Variants in WDPCP observed in about 807,000 individuals in gnomAD.
WDPCP encodes WD repeat-containing and planar cell polarity effector protein fritz homolog.
Under a neutral mutation model 93.1 loss-of-function variants are expected in WDPCP, and 71 were observed. The ratio of observed to expected loss-of-function variants is 0.76; its 90% CI spans 0.63 to 0.93. The LOEUF is 0.93. Ranked by LOEUF, WDPCP falls within the 40% of genes least tolerant of loss-of-function variation. The pLI is 0.00. For synonymous variants in WDPCP, 315 were observed against 315.0 expected (o/e 1.00, Z 0.00); for missense variants, 844 against 887.4 (o/e 0.95, Z 0.62).
At chr2:63,650,479 T>A (rs1265684237) in intron 3 of WDPCP, among the ~76,000 whole-genome samples, 1 of 152,146 alleles carries the variant, frequency 6.6e-6, no homozygotes, top group African/African-American at 2.4e-5. Context: ...AGTACTGGAG[T>A]TTCCCATGGC....
Position 63,752,612 on chromosome 2 carries a change from T to G in WDPCP, n.308+61010A>C, listed in dbSNP as rs143423154. On this transcript the variant is annotated intron_variant and non_coding_transcript_variant, in intron 2 of 4. Transcript: ENST00000467687. ...GAAGAGCTGCTCAGGCTCTTTAGGATACTGATTTAGACATGACGGTGGCGG... is the reference window on the plus strand; with the variant it reads ...GAAGAGCTGCTCAGGCTCTTTAGGAGACTGATTTAGACATGACGGTGGCGG... 840 of 549,668 alleles carry G rather than the reference T, an allele frequency of 1.5e-3. 6 individuals carry two copies. The highest frequency in any genetic ancestry group is 0.014 in the African/African-American group (760 of 52,936). The allele number at this position is 549,668 out of a possible 1,614,324, so 34.0% of individuals were successfully genotyped here. A position where few individuals can be genotyped will look rare whatever the true frequency, so the allele number is the denominator to read the frequency against.
chr2:63,535,752 A>T (rs1333574432), intron 1 of WDPCP, among the ~76,000 whole-genome samples: 3 of 152,236 alleles, frequency 2.0e-5, no homozygotes, highest in Non-Finnish European at 4.4e-5. Context: ...CTAAAACCAT[A>T]AAAGCCCTAG....
chr2:63,699,480 G>C (rs1669013484), intron 2 of WDPCP, among the ~76,000 whole-genome samples: 2 of 152,192 alleles, frequency 1.3e-5, no homozygotes, highest in Non-Finnish European at 2.9e-5. Context: ...AGGATTCAGA[G>C]GGACGGTTGT....
rs1003913232 is a variant in WDPCP at position 63,382,074 on chromosome 2, G to A, written c.1456C>T (p.Leu486=). 2 of 1,612,980 alleles carry A rather than the reference G, an allele frequency of 1.2e-6. No homozygotes were observed. Among genetic ancestry groups the A allele is most frequent in the African/African-American group, 2.7e-5 (2 of 74,882 alleles). ...FKLGVFTRGQ[L]GLIDIIFQYI... ...TGGAAGATGATGTCTATCAGGCCCA[G>A]CTGTCCTCGAGTGAAGACGCCTATC... The change falls in exon 11 of 18, where the codon CTG becomes TTG. Residue 486 remains leucine (L), a synonymous_variant. Transcript: ENST00000272321.
At chr2:63,752,058 G>A (rs1264621921) in intron 2 of WDPCP, 2 of 619,346 alleles carry the variant, frequency 3.2e-6, no homozygotes, top group African/African-American at 1.8e-5. Flanking sequence ...AACCTCTTTG[G>A]CTGGGTGAAG....
intron 1 of WDPCP, among the ~76,000 whole-genome samples, chr2:63,503,286 G>A (rs1701667163): frequency 6.6e-6 from 1 of 152,118 alleles, no homozygotes; most frequent in Non-Finnish European, 1.5e-5. Flanking sequence ...AATATTTAAA[G>A]ATCGGTGCTG....
intron 2 of WDPCP, chr2:63,717,871 C>A: frequency 6.0e-6 from 1 of 167,732 alleles, no homozygotes. Flanking sequence ...TCCATGAGCA[C>A]AGATGGTCTG....
chr2:63,667,460 T>A (rs909167978), intron 2 of WDPCP, among the ~76,000 whole-genome samples: 3 of 152,266 alleles, frequency 2.0e-5, no homozygotes, highest in African/African-American at 7.2e-5. Context: ...CAGTAATAGT[T>A]AATTGCTTGT....
intron 3 of WDPCP, among the ~76,000 whole-genome samples, chr2:63,627,895 G>A (rs1448627951): frequency 1.3e-5 from 2 of 152,232 alleles, no homozygotes; most frequent in East Asian, 3.8e-4. Flanking sequence ...TGCCCTCCTG[G>A]TGGAGAGCAA....
intron 12 of WDPCP, chr2:63,377,720 A>G (rs1268506475): frequency 6.6e-6 from 1 of 151,572 alleles, no homozygotes; most frequent in Admixed American, 6.6e-5. Flanking sequence ...CCACATTTAT[A>G]TATGTATCCC....
chr2:63,351,218 G>A (rs7585261), intron 12 of WDPCP, among the ~76,000 whole-genome samples: 2,413 of 152,220 alleles, frequency 0.016, 61 homozygotes, highest in African/African-American at 0.054. Flanking sequence ...CTGACCTCAA[G>A]TGATCCATCC....
chr2:63,777,659 C>T (rs528196878), intron 2 of WDPCP, among the ~76,000 whole-genome samples: 2 of 151,814 alleles, frequency 1.3e-5, no homozygotes, highest in African/African-American at 4.8e-5. Flanking sequence ...AGAAGCCAGA[C>T]AAAAAAAGAA....
In WDPCP at chr2:63,815,719, G is replaced by C. The variant is rs7577331; in HGVS notation, n.223-2012C>G. On this transcript the variant is annotated intron_variant and non_coding_transcript_variant, in intron 1 of 4. Coordinates refer to the WDPCP transcript ENST00000467687. The stretch of plus-strand genomic sequence containing the variant: ...TGGCTTTATTTGGTTGTTTATTAAG[G>C]AGCTGCATTTAAATTCCAAAACAGT... Among the ~76,000 whole-genome samples the C allele has an allele frequency of 5.7e-3, 870 of 152,272 alleles. 13 individuals carry two copies. Among genetic ancestry groups the C allele is most frequent in the African/African-American group, 0.02 (833 of 41,536 alleles).
chr2:63,691,308 C>T (rs916392621), intron 2 of WDPCP, among the ~76,000 whole-genome samples: 4 of 152,152 alleles, frequency 2.6e-5, no homozygotes, highest in African/African-American at 9.7e-5. Flanking sequence ...AGGACGCCTC[C>T]CCTGAACAGG....
At chr2:63,447,111 G>A (rs537383904) in intron 6 of WDPCP, among the ~76,000 whole-genome samples, 1 of 151,720 alleles carries the variant, frequency 6.6e-6, no homozygotes, top group Admixed American at 6.6e-5. Flanking sequence ...GTTGAAGGTG[G>A]GGGGAGGCAT....
rs1209033669 is a variant in WDPCP, at chr2:63,454,797, T to A, written c.385-14926A>T. Among the ~76,000 whole-genome samples the A allele has an allele frequency of 3.3e-5, 5 of 151,696 alleles. No homozygotes were observed. The East Asian group carries it at 9.7e-4, about 29-fold the overall frequency. On this transcript the variant is annotated intron_variant, in intron 6 of 17. Transcript: ENST00000272321. ...TCTAAAGTCATTAACAAAGAGAAAA[T>A]TCTAAAAACAGCAGCAGAAAATAAT...
intron 17 of WDPCP, among the ~76,000 whole-genome samples, chr2:63,127,129 T>G (rs1405562877): frequency 6.7e-6 from 1 of 150,012 alleles, no homozygotes; most frequent in Non-Finnish European, 1.5e-5. Context: ...AACTTTTTTT[T>G]TTTTTTTTTT....
intron 14 of WDPCP, chr2:63,229,816 A>G (rs2104547624): frequency 6.5e-6 from 1 of 153,192 alleles, no homozygotes; most frequent in East Asian, 1.9e-4. Flanking sequence ...GACCAGTACC[A>G]TGCTGTTTTG....
rs1436847430 is a variant in WDPCP at position 63,224,856 on chromosome 2, A to G, written c.1915+34451T>C. 3.9e-5 allele frequency among the ~76,000 whole-genome samples: 6 copies of G among 151,974 alleles called. No individual in the cohort carries two copies. The South Asian group carries it at 1.2e-3, about 32-fold the overall frequency. ...TGTCTAAACCTATAGAATATGCAAC[A>G]CAAAGAGCAAACACTAATGTAAATT... On this transcript the variant is annotated intron_variant, in intron 14 of 17. Coordinates refer to ENST00000272321, the MANE Select transcript of WDPCP (RefSeq NM_015910.7).
Sources: allele counts gnomAD v4.1 joint callset (sites outside exome capture counted in the v4.1 genomes callset), GRCh38; gene constraint gnomAD v4.1.1; transcripts MANE v1.5; gene names NCBI Gene and HGNC (gene_info 2026-07-23, HGNC 2026-07-21).